The following PTPRG variants were observed in gnomAD, a reference collection of about 807,000 sequenced individuals.
PTPRG encodes protein tyrosine phosphatase receptor type G, also known as receptor-type tyrosine-protein phosphatase gamma.
Under a neutral mutation model 165.3 loss-of-function variants are expected in PTPRG, and 102 were observed. That is an observed-to-expected ratio of 0.62 (90% confidence interval 0.53 to 0.73). The LOEUF (loss-of-function observed/expected upper bound fraction) is 0.73. Among genes scored for constraint, PTPRG ranks in the 30% least tolerant of loss-of-function variants. The pLI is 0.00. For synonymous variants in PTPRG, 675 were observed against 669.5 expected, an observed-to-expected ratio of 1.01 and a Z score of -0.13; for missense variants, 1,866 against 1,861.4, an observed-to-expected ratio of 1.00 and a Z score of -0.05.
intron 4 of PTPRG, among the ~76,000 whole-genome samples, chr3:62,037,775 G>C (rs987509691): frequency 1.3e-5 from 2 of 152,176 alleles, no homozygotes; most frequent in Non-Finnish European, 2.9e-5. Flanking sequence ...TGCAGGCAAG[G>C]TTTCATTAGG....
At chr3:61,861,505 G>A (rs12630640) in intron 2 of PTPRG, among the ~76,000 whole-genome samples, 17,900 of 152,268 alleles carry the variant, frequency 0.12, 1,646 homozygotes, top group East Asian at 0.49. Flanking sequence ...AAGCTTTGGA[G>A]AAGTGCTTCA....
chr3:62,040,815 G>T (rs1278376520), intron 4 of PTPRG, among the ~76,000 whole-genome samples: 2 of 152,200 alleles, frequency 1.3e-5, no homozygotes, highest in Non-Finnish European at 2.9e-5. Context: ...GGACATCGGG[G>T]CTAGCTGTGA....
intron 2 of PTPRG, among the ~76,000 whole-genome samples, chr3:61,784,332 A>G (rs1322051805): frequency 2.6e-5 from 4 of 152,150 alleles, no homozygotes; most frequent in East Asian, 3.9e-4. Context: ...TCATTTAACT[A>G]ATGATTTTCC....
At chr3:62,120,943 T>C (rs942010905) in intron 5 of PTPRG, among the ~76,000 whole-genome samples, 1 of 151,682 alleles carries the variant, frequency 6.6e-6, no homozygotes, top group Non-Finnish European at 1.5e-5. Flanking sequence ...AAGAATGGCT[T>C]ATAGCTATAG....
chr3:61,778,354 GA>G (rs781296436), intron 2 of PTPRG, among the ~76,000 whole-genome samples: 1 of 152,086 alleles, frequency 6.6e-6, no homozygotes, highest in Non-Finnish European at 1.5e-5. Flanking sequence ...CCCACAATCA[GA>G]GGCTGAACTG....
intron 12 of PTPRG, among the ~76,000 whole-genome samples, chr3:62,216,621 C>A (rs1700517134): frequency 6.6e-6 from 1 of 150,760 alleles, no homozygotes; most frequent in East Asian, 2.0e-4. Flanking sequence ...TTATTTGCAA[C>A]TCTGGTTCCT....
chr3:61,836,651 G>A (rs778446883), intron 2 of PTPRG, among the ~76,000 whole-genome samples: 3 of 152,270 alleles, frequency 2.0e-5, no homozygotes, highest in Non-Finnish European at 4.4e-5. Context: ...TAGAGGTGCA[G>A]TAAGTTTTAA....
At chr3:61,933,464 G>A (rs772517608) in intron 2 of PTPRG, among the ~76,000 whole-genome samples, 1 of 152,158 alleles carries the variant, frequency 6.6e-6, no homozygotes, top group African/African-American at 2.4e-5. Context: ...TCACAGCTCA[G>A]GGGGTAAAAT....
rs1010004000 is a variant in PTPRG at position 61,752,330 on chromosome 3, T to C, written c.190+3348T>C. ...CTGGAACACAAGCACACCCATCACATTGCATATTATCTATGGCTGCTTTTG... is the reference window on the plus strand; with the variant it reads ...CTGGAACACAAGCACACCCATCACACTGCATATTATCTATGGCTGCTTTTG... On this transcript the variant is annotated intron_variant, in intron 2 of 29. Transcript: ENST00000474889. Among the ~76,000 whole-genome samples the C allele has an allele frequency of 6.6e-5, 10 of 152,318 alleles. No individual in the cohort carries two copies. In the East Asian group the frequency reaches 1.9e-3, roughly 29 times the overall value.
Position 62,190,990 on chromosome 3 carries a change from A to T in PTPRG, c.1034-479A>T. Among the ~76,000 whole-genome samples the T allele has an allele frequency of 6.6e-6, 1 of 152,260 alleles. No homozygotes were observed. On this transcript the variant is annotated intron_variant, in intron 8 of 29. Transcript: ENST00000474889. This position sits in a 1 kb window ranked among gnomAD's most constrained non-coding sequence, Gnocchi z 5.2. Reference sequence around the variant, plus strand: ...TCCTCAATCTTGGGAGATGCAGGACAGAGTATCTAGAGGAGAAGCGTCAGA... The same window carrying T: ...TCCTCAATCTTGGGAGATGCAGGACTGAGTATCTAGAGGAGAAGCGTCAGA...
intron 14 of PTPRG, among the ~76,000 whole-genome samples, chr3:62,242,738 A>G (rs952808969): frequency 2.4e-4 from 36 of 152,134 alleles, no homozygotes; most frequent in African/African-American, 7.7e-4. Context: ...ATCCCAGGAT[A>G]TTTTTGATTA....
intron 1 of PTPRG, among the ~76,000 whole-genome samples, chr3:61,696,633 G>A (rs1031437572): frequency 2.6e-5 from 4 of 152,172 alleles, no homozygotes; most frequent in African/African-American, 7.2e-5. Flanking sequence ...ATTCATACTG[G>A]CTGGGTACTT....
intron 2 of PTPRG, among the ~76,000 whole-genome samples, chr3:61,900,053 C>CTAA (rs2038459597): frequency 6.6e-6 from 1 of 152,054 alleles, no homozygotes. Context: ...ATGTAATTTT[C>CTAA]TAACACAGTT....
chr3:61,610,978 A>C (rs950320299), intron 1 of PTPRG, among the ~76,000 whole-genome samples: 1 of 152,050 alleles, frequency 6.6e-6, no homozygotes, highest in Non-Finnish European at 1.5e-5. Context: ...AGCTCATTTT[A>C]AAACTATTTT....
chr3:62,001,886 C>T (rs1291838121), intron 3 of PTPRG, among the ~76,000 whole-genome samples: 1 of 152,112 alleles, frequency 6.6e-6, no homozygotes, highest in Non-Finnish European at 1.5e-5. Flanking sequence ...GACCAATTGG[C>T]CTGCAAAGCC....
chr3:61,606,600 T>C (rs6794183), intron 1 of PTPRG, among the ~76,000 whole-genome samples: 97,838 of 152,072 alleles, frequency 0.64, 33,464 homozygotes, highest in South Asian at 0.85. Context: ...AGGTAACTTA[T>C]AAAGAAGAGA....
intron 1 of PTPRG, among the ~76,000 whole-genome samples, chr3:61,623,085 T>G (rs1701507144): frequency 6.6e-6 from 1 of 152,166 alleles, no homozygotes; most frequent in Non-Finnish European, 1.5e-5. Context: ...GTTTCCTTGA[T>G]TGTAAACAAT....
intron 2 of PTPRG, among the ~76,000 whole-genome samples, chr3:61,790,114 A>T (rs944138370): frequency 2.0e-5 from 3 of 152,148 alleles, no homozygotes; most frequent in African/African-American, 7.2e-5. Flanking sequence ...GACTGGTGTG[A>T]TCACTTAGCC....
intron 2 of PTPRG, among the ~76,000 whole-genome samples, chr3:61,953,853 G>C (rs1174494541): frequency 1.3e-4 from 8 of 62,404 alleles, no homozygotes; most frequent in Non-Finnish European, 2.0e-4. Context: ...AAATACAAGG[G>C]AGTGTATTTT....
Sources: gnomAD v4.1 joint callset for allele counts (sites outside exome capture counted in the v4.1 genomes callset) on GRCh38, gnomAD v4.1.1 for gene constraint, Gnocchi (gnomAD v3.1) non-coding constraint, MANE v1.5 for transcripts, NCBI Gene and HGNC (gene_info 2026-07-23, HGNC 2026-07-21) for gene names.